CHD7: variants seen among roughly 807,000 people sequenced by gnomAD.
CHD7 encodes ATP-dependent chromatin remodeler CHD7.
In CHD7, 24 loss-of-function variants were observed where a neutral mutation model predicts 307.3. The observed-to-expected ratio is 0.08, with a 90% CI of 0.06 to 0.11. The LOEUF is 0.11. CHD7 is among the 10% of genes least tolerant of loss of function. The pLI is 1.00. For missense variants in CHD7, 3,106 were observed against 3,727.1 expected, an observed-to-expected ratio of 0.83 and a Z score of 4.34; for synonymous variants, 1,363 against 1,349.9, an observed-to-expected ratio of 1.01 and a Z score of -0.21.
chr8:60,818,904 C>T (rs1468075134), intron 8 of CHD7, among the ~76,000 whole-genome samples: 2 of 152,194 alleles, frequency 1.3e-5, no homozygotes, highest in African/African-American at 2.4e-5. Context: ...CTTTTGTTTT[C>T]TAACATCTGA....
intron 15 of CHD7, among the ~76,000 whole-genome samples, chr8:60,832,216 G>A (rs932607500): frequency 6.6e-6 from 1 of 152,044 alleles, no homozygotes; most frequent in Non-Finnish European, 1.5e-5. Flanking sequence ...GTAGAGACGG[G>A]GTTTCTCCAT....
intron 1 of CHD7, among the ~76,000 whole-genome samples, chr8:60,692,428 G>T (rs1354393169): frequency 6.6e-6 from 1 of 152,134 alleles, no homozygotes; most frequent in Non-Finnish European, 1.5e-5. Flanking sequence ...GTACATGTCT[G>T]CCAAACTAAT....
intron 15 of CHD7, among the ~76,000 whole-genome samples, chr8:60,835,392 T>C (rs1804696055): frequency 6.6e-6 from 1 of 152,234 alleles, no homozygotes; most frequent in Non-Finnish European, 1.5e-5. Flanking sequence ...GGTTTGTTTG[T>C]TTTTAATTTT....
intron 2 of CHD7, among the ~76,000 whole-genome samples, chr8:60,747,413 A>C (rs1271465079): frequency 3.9e-5 from 6 of 152,162 alleles, no homozygotes; most frequent in Non-Finnish European, 2.9e-5. Context: ...TTGATTTGTT[A>C]ATTATTTAAA....
At position 60,845,257 on chromosome 8, in the gene CHD7, A is replaced by G. The variant is rs1586432209; in HGVS notation, c.5058A>G (p.Ser1686=). The change falls in exon 23 of 38, where the codon TCA becomes TCG. Residue 1686 remains serine (S), a synonymous_variant. Coordinates refer to ENST00000423902, the MANE Select transcript of CHD7 (RefSeq NM_017780.4). ...TRALVNHSGL[S]APVPRGRKGK... The stretch of plus-strand genomic sequence containing the variant: ...TTATGATGGTGATTCTAGGTTTGTC[A>G]GCTCCTGTGCCAAGGGGAAGGAAGG... The G allele has an allele frequency of 3.1e-6, 5 of 1,609,212 alleles. No individual in the cohort carries two copies. Among genetic ancestry groups the G allele is most frequent in the Non-Finnish European group, 4.3e-6 (5 of 1,176,452 alleles).
intron 15 of CHD7, 64 bp downstream of exon 15, chr8:60,830,641 C>T (rs999360264): frequency 1.9e-5 from 29 of 1,556,326 alleles, no homozygotes; most frequent in Non-Finnish European, 2.5e-5. Flanking sequence ...TCCCTTTCTG[C>T]CCCCAGACTG....
At chr8:60,716,547 C>T (rs1266133924) in intron 1 of CHD7, among the ~76,000 whole-genome samples, 1 of 152,212 alleles carries the variant, frequency 6.6e-6, no homozygotes, top group African/African-American at 2.4e-5. Context: ...CCTTCCCGAT[C>T]ATACATAACT....
intron 37 of CHD7, 115 bp downstream of exon 37, chr8:60,862,767 T>C: frequency 1.5e-6 from 1 of 673,302 alleles, no homozygotes; most frequent in Non-Finnish European, 2.6e-6. Flanking sequence ...CTTAAAAGAA[T>C]TGACATAATA....
chr8:60,814,029 T>G (rs1008289096), intron 7 of CHD7, among the ~76,000 whole-genome samples: 3 of 152,212 alleles, frequency 2.0e-5, no homozygotes, highest in Non-Finnish European at 2.9e-5. Flanking sequence ...AGATTATTTC[T>G]TATTAGCTTC....
Position 60,828,782 on chromosome 8 carries a change from T to C in CHD7, c.3498T>C (p.Phe1166=), listed in dbSNP as rs1316649319. The change falls in exon 14 of 38, where the codon TTT becomes TTC. Residue 1166 remains phenylalanine (F), a synonymous_variant. Coordinates refer to ENST00000423902, the MANE Select transcript of CHD7 (RefSeq NM_017780.4). ...FPSETTFMQE[F]GDLKTEEQVQ... is the part of the protein sequence containing the mutation. Reference sequence around the variant, plus strand: ...CAGAAACCACATTTATGCAAGAATTTGGTGATCTAAAAACAGAAGAGCAGG... The same window carrying C: ...CAGAAACCACATTTATGCAAGAATTCGGTGATCTAAAAACAGAAGAGCAGG... 4 of 1,613,712 alleles carry C rather than the reference T, an allele frequency of 2.5e-6. No homozygotes were observed. The East Asian group carries it at 6.7e-5, about 27-fold the overall frequency.
chr8:60,723,502 G>A (rs1329536396), intron 1 of CHD7, among the ~76,000 whole-genome samples: 1 of 152,108 alleles, frequency 6.6e-6, no homozygotes, highest in Non-Finnish European at 1.5e-5. Flanking sequence ...TAGGAATGAT[G>A]GCATAGAGAA....
At chr8:60,695,844 A>G (rs1479785554) in intron 1 of CHD7, among the ~76,000 whole-genome samples, 1 of 152,242 alleles carries the variant, frequency 6.6e-6, no homozygotes, top group Non-Finnish European at 1.5e-5. Flanking sequence ...CTGCTAGAAT[A>G]TGGTGAGACC....
intron 1 of CHD7, among the ~76,000 whole-genome samples, chr8:60,738,714 C>T (rs568192311): frequency 4.6e-5 from 7 of 152,192 alleles, no homozygotes; most frequent in East Asian, 3.9e-4. Flanking sequence ...GGCAGGAAGG[C>T]GTTGGTGGCT....
chr8:60,750,037 C>CT (rs1172172754), intron 2 of CHD7, among the ~76,000 whole-genome samples: 9 of 152,366 alleles, frequency 5.9e-5, no homozygotes, highest in African/African-American at 1.9e-4. Flanking sequence ...TCTACTCCAT[C>CT]TGTCCTTTCA....
chr8:60,796,617 G>GT (rs566003462), intron 4 of CHD7, among the ~76,000 whole-genome samples: 2,199 of 57,376 alleles, frequency 0.038, 42 homozygotes, highest in South Asian at 0.19. Flanking sequence ...TAGCTTTAGG[G>GT]TTTTTTTTTT....
rs1156641506 is a variant in CHD7 at position 60,862,381 on chromosome 8, C to T, written c.7971+45C>T. 5 of 1,565,044 alleles carry T rather than the reference C, an allele frequency of 3.2e-6. No individual in the cohort carries two copies. The South Asian group carries it at 3.6e-5, about 11-fold the overall frequency. ...ATTGATCACTATGCGATTTCTTAGC[C>T]CAGAAGGAAGTGTTTTATCCTGCCT... On this transcript the variant is annotated intron_variant, in intron 36 of 37. Transcript: ENST00000423902.
At position 60,847,204 on chromosome 8, in the gene CHD7, G is replaced by A. The variant is rs188423637; in HGVS notation, c.5211-1311G>A. On this transcript the variant is annotated intron_variant, in intron 23 of 37. Coordinates refer to ENST00000423902, the MANE Select transcript of CHD7 (RefSeq NM_017780.4). The stretch of plus-strand genomic sequence containing the variant: ...CTGGCCGTGAGTAGGCTCGTGGTTG[G>A]GGGAGGGCCTGTTGAGGAGCATCTG... Among the ~76,000 whole-genome samples, 15 of 152,300 alleles carry A rather than the reference G, an allele frequency of 9.8e-5. No homozygotes were observed. In the East Asian group the frequency reaches 2.9e-3, roughly 29 times the overall value.
In CHD7 at chr8:60,837,029, G is replaced by A. The variant is rs1396813105; in HGVS notation, c.4185+17G>A. ...GACCTCCAGGTAAATGCACAAGAAA[G>A]TCCTGATGCCTTTAAAAAGGAAGTC... On this transcript the variant is annotated intron_variant, in intron 17 of 37. Coordinates refer to ENST00000423902, the MANE Select transcript of CHD7 (RefSeq NM_017780.4). The A allele has an allele frequency of 6.3e-7, 1 of 1,581,156 alleles. No homozygotes were observed. Among genetic ancestry groups the A allele is most frequent in the African/African-American group, 1.4e-5 (1 of 73,848 alleles).
Position 60,853,372 on chromosome 8 carries a change from A to G in CHD7, c.6647A>G (p.Asn2216Ser), listed in dbSNP as rs1208030571. ...GAGGCAGAGGCCAGCTCTGTGAAAA[A>G]TGAACTGAAAGGTGTTGAGGTCGGC... ...ECEAEASSVK[N>S]ELKGVEVGAD... Residue 2216 changes from asparagine (N) to serine (S), a missense_variant, in exon 31 of 38, where the codon AAT becomes AGT. By Grantham distance (46) the Asn-to-Ser change is conservative (BLOSUM62 1). Around this residue, in one of 10 missense-constraint regions of CHD7, gnomAD observed 1,030 missense variants for 1,165.4 expected, o/e 0.88. Transcript: ENST00000423902. 6.4e-7 allele frequency: 1 copy of G among 1,554,956 alleles called. No homozygotes were observed. Among genetic ancestry groups the G allele is most frequent in the Admixed American group, 2.0e-5 (1 of 50,070 alleles).
Sources: gnomAD v4.1 joint callset for allele counts (sites outside exome capture counted in the v4.1 genomes callset) on GRCh38, gnomAD v4.1.1 for gene constraint, gnomAD v4.1.1 regional missense constraint, MANE v1.5 for transcripts, NCBI Gene and HGNC (gene_info 2026-07-23, HGNC 2026-07-21) for gene names.